The following IPO8 variants were observed in gnomAD, a reference collection of about 807,000 sequenced individuals.
The protein encoded by IPO8 is importin-8.
Under a neutral mutation model 141.2 loss-of-function variants are expected in IPO8, and 65 were observed. The observed-to-expected ratio is 0.46, with a 90% CI of 0.38 to 0.57. IPO8 has a LOEUF of 0.57. IPO8 is among the 20% of genes least tolerant of loss of function. The probability of loss-of-function intolerance (pLI) is 0.00; values close to 1 mark genes in which losing one functional copy is unlikely to be tolerated. For synonymous variants in IPO8, 411 were observed against 420.3 expected, an observed-to-expected ratio of 0.98 and a Z score of 0.27; for missense variants, 980 against 1,246.8, an observed-to-expected ratio of 0.79 and a Z score of 3.22.
In IPO8 at chr12:30,637,018, G is replaced by C. The variant is rs144980917; in HGVS notation, c.2659C>G (p.Arg887Gly). The C allele has an allele frequency of 1.2e-6, 2 of 1,613,940 alleles. No individual in the cohort carries two copies. Among genetic ancestry groups the C allele is most frequent in the Non-Finnish European group, 1.7e-6 (2 of 1,179,906 alleles). ...ATRQLVNRED[R>G]SKAEKADMEE... ...ATATCAGCTTTCTCTGCTTTTGAAC[G>C]ATCTTCCCGGTTTACCAGTTGTCTA... is the stretch of plus-strand genomic sequence containing the variant. The change falls in exon 22 of 25, where the codon CGT becomes GGT. Residue 887 changes from arginine (R) to glycine (G), a missense_variant. By Grantham distance (125) the Arg-to-Gly change is moderately radical. Coordinates refer to ENST00000256079, the MANE Select transcript of IPO8 (RefSeq NM_006390.4).
rs975606992 is a variant in IPO8 at position 30,630,137 on chromosome 12, G to A, written c.*723C>T. ...ACAAGGTTAGGAGTGAAACTGATATGTGTATTTGTTGACCCCAAAAGAAAT... is the reference window on the plus strand; with the variant it reads ...ACAAGGTTAGGAGTGAAACTGATATATGTATTTGTTGACCCCAAAAGAAAT... On this transcript the variant is annotated 3_prime_UTR_variant, in exon 25 of 25. Transcript: ENST00000256079. 3 of 152,168 alleles carry A rather than the reference G, an allele frequency of 2.0e-5. No individual in the cohort carries two copies. Among genetic ancestry groups the A allele is most frequent in the African/African-American group, 7.2e-5 (3 of 41,424 alleles). The allele number at this position is 152,168 out of a possible 1,614,324, so 9.4% of individuals were successfully genotyped here. A position where few individuals can be genotyped will look rare whatever the true frequency, so the allele number is the denominator to read the frequency against.
chr12:30,652,335 G>T, intron 18 of IPO8, 46 bp from the exon 19 acceptor site: 1 of 1,111,864 alleles, frequency 9.0e-7, no homozygotes, highest in Non-Finnish European at 1.4e-6. Flanking sequence ...GACAGAAATA[G>T]AAATAAATTA....
intron 14 of IPO8, 125 bp from the exon 15 acceptor site, chr12:30,662,612 C>A: frequency 1.4e-6 from 1 of 721,526 alleles, no homozygotes. Flanking sequence ...TACACACTTG[C>A]TCTGTGGTAA....
chr12:30,630,893 T>C lies in IPO8; in HGVS notation c.3081A>G (p.Ala1027=). ...TGCTGGGCACAGTCCCAAAATTAAA[T>C]GCGGAGAGGACTCCTTTGTTTTCAA... ...FTFENKGVLS[A]FNFGTVPSNN is the part of the protein sequence containing the mutation. The change falls in exon 25 of 25, where the codon GCA becomes GCG. Residue 1027 remains alanine, a synonymous_variant. Coordinates refer to ENST00000256079, the MANE Select transcript of IPO8 (RefSeq NM_006390.4). 1 of 1,613,782 alleles carries C rather than the reference T, an allele frequency of 6.2e-7. No individual in the cohort carries two copies. The highest frequency in any genetic ancestry group is 1.3e-5 in the African/African-American group (1 of 75,030).
chr12:30,665,406 T>G lies in IPO8; in HGVS notation c.1339-97A>C, dbSNP rs2052948847. 7.6e-5 allele frequency: 57 copies of G among 751,690 alleles called. 2 individuals carry two copies. In the South Asian group the frequency reaches 9.0e-4, roughly 12 times the overall value. 46.6% of individuals were successfully genotyped at this position (751,690 alleles called of 1,614,324 possible). ...TTACTATGACTTGCATTTAATATAC[T>G]TCTAATTTTGTAAAATTATTTGACC... On this transcript the variant is annotated intron_variant, in intron 12 of 24. Transcript: ENST00000256079.
intron 20 of IPO8, among the ~76,000 whole-genome samples, chr12:30,640,976 T>G (rs2052567307): frequency 6.6e-6 from 1 of 152,226 alleles, no homozygotes; most frequent in Non-Finnish European, 1.5e-5. Flanking sequence ...CATACAATTA[T>G]GTCAGCTTAA....
At chr12:30,686,886 A>AG (rs1413696676) in intron 2 of IPO8, among the ~76,000 whole-genome samples, 1 of 152,126 alleles carries the variant, frequency 6.6e-6, no homozygotes, top group Non-Finnish European at 1.5e-5. Context: ...CCTTTAAAAA[A>AG]GGCACACTGA....
intron 20 of IPO8, among the ~76,000 whole-genome samples, chr12:30,644,640 GTTTTTTTTTTTTGT>G (rs2052617303): frequency 1.1e-5 from 1 of 89,556 alleles, no homozygotes; most frequent in African/African-American, 5.4e-5. Flanking sequence ...GCTTTTTGGT[GTTTTTTTTTTTTGT>G]TTTTTTTTTT....
intron 20 of IPO8, among the ~76,000 whole-genome samples, chr12:30,642,803 A>G (rs980464600): frequency 1.3e-5 from 2 of 152,108 alleles, no homozygotes; most frequent in Admixed American, 6.6e-5. Flanking sequence ...AGTCGTACCA[A>G]GACAGCAAGG....
chr12:30,688,730 G>C (rs2053265351), intron 2 of IPO8: 1 of 159,456 alleles, frequency 6.3e-6, no homozygotes, highest in Non-Finnish European at 1.4e-5. Context: ...TACAGAGTTG[G>C]TGAGGATTTG....
chr12:30,672,298 G>A (rs958341994), intron 8 of IPO8, among the ~76,000 whole-genome samples: 1 of 152,074 alleles, frequency 6.6e-6, no homozygotes, highest in Non-Finnish European at 1.5e-5. Context: ...TAAAACTCAG[G>A]TTTACCAAAT....
At chr12:30,647,418 C>T (rs1192393717) in intron 20 of IPO8, among the ~76,000 whole-genome samples, 1 of 151,774 alleles carries the variant, frequency 6.6e-6, no homozygotes, top group Non-Finnish European at 1.5e-5. Flanking sequence ...ATGACAACGG[C>T]TGGGTACAGT....
At position 30,652,185 on chromosome 12, in the gene IPO8, T is replaced by C. The variant is rs1162620367; in HGVS notation, c.2172+7A>G. ...ACCACTGAAACAATAGATTAGGTCA[T>C]GCTTACCTTCCTACACATTGTAAAA... On this transcript the variant is annotated splice_region_variant and intron_variant, in intron 19 of 24. Transcript: ENST00000256079. 3.3e-6 allele frequency: 5 copies of C among 1,499,286 alleles called. No individual in the cohort carries two copies. In the South Asian group the frequency reaches 3.4e-5, roughly 10 times the overall value. The allele number at this position is 1,499,286 out of a possible 1,614,324, so 92.9% of individuals were successfully genotyped here.
intron 20 of IPO8, among the ~76,000 whole-genome samples, chr12:30,643,754 A>C (rs2052604363): frequency 6.6e-6 from 1 of 152,220 alleles, no homozygotes; most frequent in Non-Finnish European, 1.5e-5. Context: ...GCATACATCC[A>C]CTTCCCCTTT....
rs749984402 is a variant in IPO8 at position 30,631,903 on chromosome 12, G to A, written c.3008C>T (p.Thr1003Met). Residue 1003 changes from threonine (T) to methionine (M), a missense_variant, in exon 24 of 25, where the codon ACG becomes ATG. Transcript: ENST00000256079. ...AGGTTACTCTGGCTGACCTGCCACC[G>A]TCCGTCGGTGCTCTGCCAGTGTGTA... Reference protein sequence around the residue: ...EVYTLAEHRRTVAEAKKKIEQ... With the variant: ...EVYTLAEHRRMVAEAKKKIEQ... 26 of 1,609,468 alleles carry A rather than the reference G, an allele frequency of 1.6e-5. No homozygotes were observed. The highest frequency in any genetic ancestry group is 2.0e-4 in the Middle Eastern group (1 of 4,954).
intron 3 of IPO8, among the ~76,000 whole-genome samples, chr12:30,683,909 A>G (rs2053213766): frequency 6.6e-6 from 1 of 152,190 alleles, no homozygotes; most frequent in Non-Finnish European, 1.5e-5. Flanking sequence ...AAAGATTAAG[A>G]CAGGTAGTAG....
At chr12:30,662,854 T>TCC (rs1565501566) in intron 14 of IPO8, among the ~76,000 whole-genome samples, 2 of 152,108 alleles carry the variant, frequency 1.3e-5, no homozygotes, top group Non-Finnish European at 2.9e-5. Context: ...GTGAAGACTA[T>TCC]CCCGAATACT....
In IPO8 at chr12:30,695,154, G is replaced by A; in HGVS notation, c.84+410C>T. The stretch of plus-strand genomic sequence containing the variant: ...CGTGCTCCACAGCAACACCTAAAAA[G>A]GGCTGGGTTTGGAAAAAAGCTGAAC... On this transcript the variant is annotated intron_variant, in intron 1 of 24. Transcript: ENST00000256079. This position sits in a 1 kb window ranked among gnomAD's most constrained non-coding sequence, Gnocchi z 4.2. 5.2e-6 allele frequency: 2 copies of A among 382,090 alleles called. No individual in the cohort carries two copies. The highest frequency in any genetic ancestry group is 1.0e-5 in the Non-Finnish European group (2 of 195,964). The allele number at this position is 382,090 out of a possible 1,614,324, so 23.7% of individuals were successfully genotyped here. A position where few individuals can be genotyped will look rare whatever the true frequency, so the allele number is the denominator to read the frequency against.
At position 30,639,668 on chromosome 12, in the gene IPO8, C is replaced by T. The variant is rs1010935294; in HGVS notation, c.2336G>A (p.Arg779His). The T allele has an allele frequency of 3.7e-6, 6 of 1,613,998 alleles. No homozygotes were observed. Among genetic ancestry groups the T allele is most frequent in the Admixed American group, 1.7e-5 (1 of 60,008 alleles). ...LTRGVKTSELRTMCLQVAIAA... is the reference protein window; with the variant it reads ...LTRGVKTSELHTMCLQVAIAA... ...AATTGCAACCTGAAGACACATAGTA[C>T]GAAGCTCACTAGTTTTGACCCCTCG... is the stretch of plus-strand genomic sequence containing the variant. The change falls in exon 21 of 25, where the codon CGT (arginine) becomes CAT (histidine). Residue 779 changes from arginine (R) to histidine (H), a missense_variant. Transcript: ENST00000256079.
Sources: gnomAD v4.1 joint callset for allele counts (sites outside exome capture counted in the v4.1 genomes callset) on GRCh38, gnomAD v4.1.1 for gene constraint, Gnocchi (gnomAD v3.1) non-coding constraint, MANE v1.5 for transcripts, NCBI Gene and HGNC (gene_info 2026-07-23, HGNC 2026-07-21) for gene names.